Variants in CMC1 observed in about 807,000 individuals in gnomAD.
The protein encoded by CMC1 is C-X9-C motif containing 1, also known as COX assembly mitochondrial protein homolog.
In CMC1, 14 loss-of-function variants were observed where a neutral mutation model predicts 14.1. The observed-to-expected ratio is 0.99, with a 90% CI of 0.66 to 1.55. The LOEUF is 1.55. Among genes scored for constraint, CMC1 ranks in the 40% most tolerant of loss-of-function variants. The probability of loss-of-function intolerance (pLI) is 0.00; values close to 1 mark genes in which losing one functional copy is unlikely to be tolerated. For synonymous variants in CMC1, 50 were observed against 38.4 expected, an observed-to-expected ratio of 1.30 and a Z score of -1.12; for missense variants, 127 against 123.8, an observed-to-expected ratio of 1.03 and a Z score of -0.12.
At chr3:28,261,133 T>G (rs889151685) in intron 1 of CMC1, among the ~76,000 whole-genome samples, 3 of 152,244 alleles carry the variant, frequency 2.0e-5, no homozygotes, top group African/African-American at 7.2e-5. Flanking sequence ...ATATATGTTT[T>G]TGTAATATGA....
chr3:28,256,626 T>G (rs1699425154), intron 1 of CMC1, among the ~76,000 whole-genome samples: 1 of 152,030 alleles, frequency 6.6e-6, no homozygotes. Flanking sequence ...CTAGATAATA[T>G]AAAGGGAGAG....
intron 1 of CMC1, among the ~76,000 whole-genome samples, chr3:28,248,019 T>A (rs1698916963): frequency 6.6e-6 from 1 of 151,876 alleles, no homozygotes; most frequent in Non-Finnish European, 1.5e-5. Flanking sequence ...AGTTAAACAT[T>A]TTTTTTTAAG....
At chr3:28,266,306 A>G (rs1447936524) in intron 2 of CMC1, among the ~76,000 whole-genome samples, 2 of 152,160 alleles carry the variant, frequency 1.3e-5, no homozygotes, top group Non-Finnish European at 2.9e-5. Flanking sequence ...GAATTACATG[A>G]TTCTAATTCT....
intron 2 of CMC1, among the ~76,000 whole-genome samples, chr3:28,300,711 C>G (rs1701997813): frequency 1.2e-5 from 1 of 81,814 alleles, no homozygotes; most frequent in Non-Finnish European, 2.7e-5. Context: ...CCCTCTCACC[C>G]TCCCTCCTTC....
At chr3:28,290,310 A>C (rs977090729) in intron 2 of CMC1, among the ~76,000 whole-genome samples, 1 of 152,116 alleles carries the variant, frequency 6.6e-6, no homozygotes, top group Non-Finnish European at 1.5e-5. Flanking sequence ...GGGTTCTAGA[A>C]TCCTTGATAT....
intron 2 of CMC1, among the ~76,000 whole-genome samples, chr3:28,283,398 A>T (rs1444982842): frequency 2.0e-5 from 3 of 152,036 alleles, no homozygotes; most frequent in African/African-American, 4.8e-5. Context: ...GCATGCCTGT[A>T]ATCCCGGCTA....
At chr3:28,311,968 G>A (rs2125602706) in intron 2 of CMC1, among the ~76,000 whole-genome samples, 1 of 152,206 alleles carries the variant, frequency 6.6e-6, no homozygotes, top group East Asian at 1.9e-4. Flanking sequence ...TAGTTTTATG[G>A]AAGCAAAGTT....
chr3:28,263,759 T>A (rs1699852838), intron 2 of CMC1, among the ~76,000 whole-genome samples: 1 of 152,098 alleles, frequency 6.6e-6, no homozygotes, highest in Non-Finnish European at 1.5e-5. Context: ...CGCATACATA[T>A]ATATATTCTA....
rs903272468 is a variant in CMC1 at position 28,323,023 on chromosome 3, G to A, written c.*3394G>A. ...CCAAATAATTGGCCACTTAGAATAA[G>A]TGTGGACATTTCATGATCGACAATA... On this transcript the variant is annotated 3_prime_UTR_variant, in exon 4 of 4. Coordinates refer to ENST00000466830, the MANE Select transcript of CMC1 (RefSeq NM_182523.2). 6.6e-6 allele frequency: 1 copy of A among 150,992 alleles called. No individual in the cohort carries two copies. The highest frequency in any genetic ancestry group is 2.4e-5 in the African/African-American group (1 of 41,262). The allele number at this position is 150,992 out of a possible 1,614,324, so 9.4% of individuals were successfully genotyped here.
chr3:28,282,504 T>C (rs1700953653), intron 2 of CMC1, among the ~76,000 whole-genome samples: 1 of 152,256 alleles, frequency 6.6e-6, no homozygotes, highest in Non-Finnish European at 1.5e-5. Flanking sequence ...TTAAATGTAA[T>C]ATTTTGTTTT....
intron 1 of CMC1, among the ~76,000 whole-genome samples, chr3:28,261,467 A>G (rs1699731418): frequency 6.6e-6 from 1 of 152,186 alleles, no homozygotes; most frequent in Non-Finnish European, 1.5e-5. Flanking sequence ...ATTCCAGGCC[A>G]GATGTCAGAT....
intron 2 of CMC1, among the ~76,000 whole-genome samples, chr3:28,270,920 C>CTT (rs71087680): frequency 0.024 from 2,028 of 83,682 alleles, 9 homozygotes; most frequent in Middle Eastern, 0.028. Flanking sequence ...GAGTTAATTT[C>CTT]TTTTTTTTTT....
intron 2 of CMC1, among the ~76,000 whole-genome samples, chr3:28,307,388 G>A (rs910223233): frequency 6.6e-6 from 1 of 152,156 alleles, no homozygotes; most frequent in Non-Finnish European, 1.5e-5. Flanking sequence ...AATTAGCTAG[G>A]TGTGGTGCTG....
At chr3:28,272,392 C>A (rs1559413894) in intron 2 of CMC1, among the ~76,000 whole-genome samples, 1 of 151,968 alleles carries the variant, frequency 6.6e-6, no homozygotes, top group Non-Finnish European at 1.5e-5. Context: ...GAGGTATGTT[C>A]CATCAATACC....
intron 2 of CMC1, among the ~76,000 whole-genome samples, chr3:28,267,654 G>C (rs12107348): frequency 0.011 from 1,615 of 152,232 alleles, 24 homozygotes; most frequent in African/African-American, 0.037. Context: ...CAGAGCTGTA[G>C]GTAAATAACA....
At chr3:28,297,372 G>A (rs1447415047) in intron 2 of CMC1, among the ~76,000 whole-genome samples, 1 of 152,024 alleles carries the variant, frequency 6.6e-6, no homozygotes, top group African/African-American at 2.4e-5. Flanking sequence ...CACCATTACT[G>A]TGGCAGCCTC....
chr3:28,302,922 T>G (rs1158719433), intron 2 of CMC1, among the ~76,000 whole-genome samples: 1 of 152,164 alleles, frequency 6.6e-6, no homozygotes, highest in Admixed American at 6.6e-5. Flanking sequence ...GAGTTTTTCA[T>G]GTGTTCTGGA....
At chr3:28,295,168 C>G (rs1701676224) in intron 2 of CMC1, among the ~76,000 whole-genome samples, 1 of 152,026 alleles carries the variant, frequency 6.6e-6, no homozygotes, top group African/African-American at 2.4e-5. Flanking sequence ...GTCTCCTTAG[C>G]CTTTACTTTC....
chr3:28,279,780 C>G (rs1477603223), intron 2 of CMC1, among the ~76,000 whole-genome samples: 2 of 151,968 alleles, frequency 1.3e-5, no homozygotes, highest in Non-Finnish European at 1.5e-5. Context: ...TGAGCAAAAC[C>G]CTTACGGACT....
Sources: gnomAD v4.1 joint callset for allele counts (sites outside exome capture counted in the v4.1 genomes callset) on GRCh38, gnomAD v4.1.1 for gene constraint, MANE v1.5 for transcripts, NCBI Gene and HGNC (gene_info 2026-07-23, HGNC 2026-07-21) for gene names.